Variants in KCNIP2 observed in about 807,000 individuals in gnomAD.
KCNIP2 encodes the protein potassium voltage-gated channel interacting protein 2, also known as A-type potassium channel modulatory protein KCNIP2.
KCNIP2 carries 19 observed loss-of-function variants against 39.0 expected under a neutral mutation model. That is an observed-to-expected ratio of 0.49 (90% CI 0.34 to 0.71). KCNIP2 has a LOEUF of 0.71. Among genes scored for constraint, KCNIP2 ranks in the 30% least tolerant of loss-of-function variants. KCNIP2 has a pLI of 0.01. For missense variants in KCNIP2, 261 were observed against 346.0 expected (o/e 0.75, Z 1.95); for synonymous variants, 111 against 131.2 (o/e 0.85, Z 1.05).
intron 1 of KCNIP2, among the ~76,000 whole-genome samples, chr10:101,840,061 G>GC (rs1390103351): frequency 4.6e-5 from 7 of 151,764 alleles, no homozygotes; most frequent in South Asian, 2.1e-4. Context: ...CCTGGACGGG[G>GC]GGGGGGGGTG....
At position 101,838,159 on chromosome 10, in the gene KCNIP2, C is replaced by T. The variant is rs1229121702; in HGVS notation, c.73+5337G>A. Among the ~76,000 whole-genome samples, 2 of 152,218 alleles carry T rather than the reference C, an allele frequency of 1.3e-5. No homozygotes were observed. Among genetic ancestry groups the T allele is most frequent in the Admixed American group, 6.5e-5 (1 of 15,282 alleles). On this transcript the variant is annotated intron_variant, in intron 1 of 9. Coordinates refer to ENST00000356640, the MANE Select transcript of KCNIP2 (RefSeq NM_173191.3). The surrounding 1 kb of genome is among the most constrained non-coding windows in gnomAD (Gnocchi z 4.0). ...CAGTGAGAAACTTGCCAGATCCATC[C>T]TCCCCAAGCATCCCTGTGCCACGAA...
At chr10:101,831,377 G>C (rs923264173) in intron 1 of KCNIP2, among the ~76,000 whole-genome samples, 4 of 152,166 alleles carry the variant, frequency 2.6e-5, no homozygotes, top group African/African-American at 9.7e-5. Flanking sequence ...TGGTTTAATG[G>C]GACGTGGCCG....
chr10:101,829,925 A>G, intron 2 of KCNIP2, 28 bp from the exon 3 acceptor site: 1 of 1,541,090 alleles, frequency 6.5e-7, no homozygotes, highest in Admixed American at 2.1e-5. Flanking sequence ...TCACCGAGAA[A>G]GCGGAAGACC....
At chr10:101,836,268 T>A (rs1212707571) in intron 1 of KCNIP2, among the ~76,000 whole-genome samples, 5 of 150,216 alleles carry the variant, frequency 3.3e-5, no homozygotes, top group Non-Finnish European at 7.4e-5. Flanking sequence ...ACAGGCTTTT[T>A]TTTCTCTTTT....
At chr10:101,830,556 T>C (rs902647394) in intron 2 of KCNIP2, 3 of 887,620 alleles carry the variant, frequency 3.4e-6, no homozygotes, top group South Asian at 1.7e-5. Context: ...GCGGGAGCGG[T>C]GACACACACC....
At chr10:101,841,672 C>T (rs547627518) in intron 1 of KCNIP2, among the ~76,000 whole-genome samples, 1 of 152,296 alleles carries the variant, frequency 6.6e-6, no homozygotes, top group East Asian at 1.9e-4. Flanking sequence ...GCCAAGAGAA[C>T]AAAAGTCACA....
rs149456249 is a variant in KCNIP2, at chr10:101,838,225, T to C, written c.73+5271A>G. On this transcript the variant is annotated intron_variant, in intron 1 of 9. Transcript: ENST00000356640. The surrounding 1 kb of genome is among the most constrained non-coding windows in gnomAD (Gnocchi z 4.0). ...AAAGTAAAATCTCTGTGGAAGCAAT[T>C]TGGCAGAGTGGGAACTCAAGGGAAA... 2.0e-5 allele frequency among the ~76,000 whole-genome samples: 3 copies of C among 152,228 alleles called. No individual in the cohort carries two copies. The highest frequency in any genetic ancestry group is 4.4e-5 in the Non-Finnish European group (3 of 68,042).
At chr10:101,827,788 A>G (rs1369512985) in intron 8 of KCNIP2, 37 bp from the exon 9 acceptor site, 1 of 1,564,310 alleles carries the variant, frequency 6.4e-7, no homozygotes, top group Non-Finnish European at 8.8e-7. Flanking sequence ...AACAGGAGGG[A>G]TGGCAAGAGA....
chr10:101,831,948 C>T (rs1589865623), intron 1 of KCNIP2, among the ~76,000 whole-genome samples: 1 of 152,184 alleles, frequency 6.6e-6, no homozygotes, highest in East Asian at 1.9e-4. Flanking sequence ...TACCTCAATA[C>T]CTCACCCACA....
chr10:101,832,371 T>C (rs2066025492), intron 1 of KCNIP2, among the ~76,000 whole-genome samples: 1 of 151,378 alleles, frequency 6.6e-6, no homozygotes, highest in African/African-American at 2.4e-5. Flanking sequence ...TGCATCCAGA[T>C]TCCTGGATCA....
At chr10:101,842,469 G>A (rs149978145) in intron 1 of KCNIP2, among the ~76,000 whole-genome samples, 64 of 152,374 alleles carry the variant, frequency 4.2e-4, no homozygotes, top group African/African-American at 1.4e-3. Flanking sequence ...GGAAGGAAGA[G>A]GATGTGTTTT....
At chr10:101,829,794 A>T (rs1242028037) in intron 3 of KCNIP2, 50 bp downstream of exon 3, 2 of 708,122 alleles carry the variant, frequency 2.8e-6, no homozygotes, top group African/African-American at 5.3e-5. Context: ...CCACCCCAAG[A>T]TGGCAAAGCC....
chr10:101,829,260 C>A, intron 3 of KCNIP2, 61 bp from the exon 4 acceptor site: 1 of 1,537,186 alleles, frequency 6.5e-7, no homozygotes, highest in South Asian at 1.2e-5. Flanking sequence ...CTCTTCAAAT[C>A]ACTGCCCCAT....
chr10:101,831,254 C>A, intron 1 of KCNIP2, 87 bp from the exon 2 acceptor site: 1 of 1,047,644 alleles, frequency 9.5e-7, no homozygotes, highest in Admixed American at 2.4e-5. Context: ...ACAAATCAAC[C>A]CCATCTGGGG....
intron 2 of KCNIP2, chr10:101,830,465 C>A: frequency 7.8e-7 from 1 of 1,281,790 alleles, no homozygotes; most frequent in South Asian, 1.3e-5. Flanking sequence ...GCCTGGTCTA[C>A]ACAGGCCGCC....
At chr10:101,832,186 T>C (rs2066012219) in intron 1 of KCNIP2, among the ~76,000 whole-genome samples, 1 of 152,186 alleles carries the variant, frequency 6.6e-6, no homozygotes, top group African/African-American at 2.4e-5. Flanking sequence ...TTCTGGTGTA[T>C]TGTGGGGCTA....
rs1554843686 is a variant in KCNIP2, at chr10:101,840,058, G to GC, written c.73+3437_73+3438insG. ...GCAGCCGCCCCCAAAGTTCCTGGAC[G>GC]GGGGGGGGGGGTGGCGGGGAGGGGC... On this transcript the variant is annotated intron_variant, in intron 1 of 9. Transcript: ENST00000356640. 2.0e-3 allele frequency among the ~76,000 whole-genome samples: 7 copies of GC among 3,580 alleles called. No homozygotes were observed. In the South Asian group the frequency reaches 0.062, roughly 32 times the overall value. 2.3% of individuals were successfully genotyped at this position (3,580 alleles called of 152,430 possible).
chr10:101,833,993 C>G (rs61874111), intron 1 of KCNIP2, among the ~76,000 whole-genome samples: 7,451 of 152,000 alleles, frequency 0.049, 205 homozygotes, highest in Middle Eastern at 0.095. Context: ...CATCTCCACA[C>G]CCCAGTCCTC....
intron 1 of KCNIP2, among the ~76,000 whole-genome samples, chr10:101,841,012 C>A (rs1438324393): frequency 1.3e-5 from 2 of 152,250 alleles, no homozygotes; most frequent in African/African-American, 4.8e-5. Context: ...GCGGCCTTTC[C>A]CCTCGGAACC....
Sources: allele counts gnomAD v4.1 joint callset (sites outside exome capture counted in the v4.1 genomes callset), GRCh38; gene constraint gnomAD v4.1.1; non-coding constraint Gnocchi (gnomAD v3.1); transcripts MANE v1.5; gene names NCBI Gene and HGNC (gene_info 2026-07-23, HGNC 2026-07-21).